Variants in INSM1 observed in about 807,000 individuals in gnomAD.
INSM1 encodes insulinoma-associated protein 1.
A neutral mutation model predicts 21.1 loss-of-function variants in INSM1; 11 were observed. The observed-to-expected ratio is 0.52, with a 90% CI of 0.33 to 0.86. INSM1 has a LOEUF of 0.86. INSM1 is among the 40% of genes least tolerant of loss of function. INSM1 has a pLI of 0.03. For synonymous variants in INSM1, 473 were observed against 386.1 expected (o/e 1.23, Z -2.64); for missense variants, 843 against 760.1 (o/e 1.11, Z -1.28).
Position 20,369,662 on chromosome 20 carries a change from C to T in INSM1, c.1395C>T (p.Ala465=), listed in dbSNP as rs531505955. Residue 465 remains alanine, a synonymous_variant, in exon 1 of 1, where the codon GCC becomes GCT. Transcript: ENST00000310227. This position sits in a 1 kb window ranked among gnomAD's most constrained non-coding sequence, Gnocchi z 5.6. ...AGCGCCACCTGCGCCTGCTGCACGC[C>T]GCCCAGGTGTTCCCCTGCAAGTACT... ...AQERHLRLLH[A]AQVFPCKYCP... The T allele has an allele frequency of 3.0e-5, 48 of 1,600,646 alleles. 1 individual carries two copies. In the South Asian group the frequency reaches 4.5e-4, roughly 15 times the overall value.
In INSM1 at chr20:20,369,646, T is replaced by C; in HGVS notation, c.1379T>C (p.Leu460Pro). 6.2e-7 allele frequency: 1 copy of C among 1,600,680 alleles called. No individual in the cohort carries two copies. The highest frequency in any genetic ancestry group is 2.2e-5 in the East Asian group (1 of 44,808). ...FASKGAQERH[L>P]RLLHAAQVFP... ...AGCAAGGGCGCTCAGGAGCGCCACC[T>C]GCGCCTGCTGCACGCCGCCCAGGTG... The change falls in exon 1 of 1, where the codon CTG becomes CCG. Residue 460 changes from leucine (L) to proline (P), a missense_variant. Transcript: ENST00000310227. This position sits in a 1 kb window ranked among gnomAD's most constrained non-coding sequence, Gnocchi z 5.6.
In INSM1 at chr20:20,368,468, C is replaced by T. The variant is rs2059484523; in HGVS notation, c.201C>T (p.Ala67=). The change falls in exon 1 of 1, where the codon GCC becomes GCT. Residue 67 remains alanine, a synonymous_variant. Transcript: ENST00000310227. This position sits in a 1 kb window ranked among gnomAD's most constrained non-coding sequence, Gnocchi z 4.3. ...CGGAGCGCGCCCATGCAGCGCTCGCCGCCGCGCTTGCCTGCGCGCCTGGGC... is the reference window on the plus strand; with the variant it reads ...CGGAGCGCGCCCATGCAGCGCTCGCTGCCGCGCTTGCCTGCGCGCCTGGGC... The part of the protein sequence containing the change: ...PPAERAHAAL[A]AALACAPGPQ... The T allele has an allele frequency of 9.4e-7, 1 of 1,066,012 alleles. No homozygotes were observed. The highest frequency in any genetic ancestry group is 1.1e-6 in the Non-Finnish European group (1 of 878,018). 66.0% of individuals were successfully genotyped at this position (1,066,012 alleles called of 1,614,324 possible). A position where few individuals can be genotyped will look rare whatever the true frequency, so the allele number is the denominator to read the frequency against.
In INSM1 at chr20:20,368,518, G is replaced by A; in HGVS notation, c.251G>A (p.Arg84Gln). Residue 84 changes from arginine to glutamine, a missense_variant, in exon 1 of 1, where the codon CGG becomes CAG. Transcript: ENST00000310227. The surrounding 1 kb of genome is among the most constrained non-coding windows in gnomAD (Gnocchi z 4.3). ...CCGCAGCCACCCCCGCAGGGCCCGC[G>A]GGCCGCGCACTTCGGCAACCCCGAG... ...PGPQPPPQGP[R>Q]AAHFGNPEAA... 1.6e-6 allele frequency: 2 copies of A among 1,261,718 alleles called. No individual in the cohort carries two copies. Among genetic ancestry groups the A allele is most frequent in the South Asian group, 4.2e-5 (2 of 47,408 alleles). 78.2% of individuals were successfully genotyped at this position (1,261,718 alleles called of 1,614,324 possible).
rs981721571 is a variant in INSM1 at position 20,368,122 on chromosome 20, G to A, written c.-146G>A. ...CCCGGGGACAGGGACGCGCGTGCAG[G>A]GCGCAGAGCTGGGCCGAGCCGTCGC... is the stretch of plus-strand genomic sequence containing the variant. On this transcript the variant is annotated 5_prime_UTR_variant, in exon 1 of 1. Transcript: ENST00000310227. This position sits in a 1 kb window ranked among gnomAD's most constrained non-coding sequence, Gnocchi z 4.3. The A allele has an allele frequency of 1.3e-5, 6 of 467,412 alleles. No homozygotes were observed. The East Asian group carries it at 3.2e-4, about 25-fold the overall frequency. The allele number at this position is 467,412 out of a possible 1,614,324, so 29.0% of individuals were successfully genotyped here. A position where few individuals can be genotyped will look rare whatever the true frequency, so the allele number is the denominator to read the frequency against.
In INSM1 at chr20:20,368,690, C is replaced by A; in HGVS notation, c.423C>A (p.Gly141=). Residue 141 remains glycine (G), a synonymous_variant, in exon 1 of 1, where the codon GGC becomes GGA. Transcript: ENST00000310227. The surrounding 1 kb of genome is among the most constrained non-coding windows in gnomAD (Gnocchi z 4.3). ...CGCCCGCCGCGCTGCTCGGAGGGGG[C>A]GGCGGCGGCGGCGCGAGCGGAGCTG... ...FPTPAALLGG[G]GGGGASGAGG... is the part of the protein sequence containing the mutation. 7.9e-7 allele frequency: 1 copy of A among 1,265,988 alleles called. No homozygotes were observed. The highest frequency in any genetic ancestry group is 3.9e-5 in the Admixed American group (1 of 25,782). 78.4% of individuals were successfully genotyped at this position (1,265,988 alleles called of 1,614,324 possible).
chr20:20,369,146 G>A lies in INSM1; in HGVS notation c.879G>A (p.Val293=). The A allele has an allele frequency of 5.7e-6, 9 of 1,585,054 alleles. No individual in the cohort carries two copies. Among genetic ancestry groups the A allele is most frequent in the Non-Finnish European group, 7.7e-6 (9 of 1,171,728 alleles). ...ACAAATGCTCGCGCATCGTGCGTGTGGAGTACCGCTGTCCCGAGTGCGCCA... is the reference window on the plus strand; with the variant it reads ...ACAAATGCTCGCGCATCGTGCGTGTAGAGTACCGCTGTCCCGAGTGCGCCA... ...AQHKCSRIVR[V]EYRCPECAKV... is the part of the protein sequence containing the mutation. Residue 293 remains valine (V), a synonymous_variant, in exon 1 of 1, where the codon GTG becomes GTA. Coordinates refer to ENST00000310227, the MANE Select transcript of INSM1 (RefSeq NM_002196.3). The surrounding 1 kb of genome is among the most constrained non-coding windows in gnomAD (Gnocchi z 5.6).
In INSM1 at chr20:20,369,144, G is replaced by C; in HGVS notation, c.877G>C (p.Val293Leu). The change falls in exon 1 of 1, where the codon GTG (valine) becomes CTG (leucine). Residue 293 changes from valine to leucine, a missense_variant. By Grantham distance (32) the Val-to-Leu change is conservative. Coordinates refer to ENST00000310227, the MANE Select transcript of INSM1 (RefSeq NM_002196.3). The surrounding 1 kb of genome is among the most constrained non-coding windows in gnomAD (Gnocchi z 5.6). ...AQHKCSRIVR[V>L]EYRCPECAKV... ...GCACAAATGCTCGCGCATCGTGCGT[G>C]TGGAGTACCGCTGTCCCGAGTGCGC... 3 of 1,585,746 alleles carry C rather than the reference G, an allele frequency of 1.9e-6. No individual in the cohort carries two copies. Among genetic ancestry groups the C allele is most frequent in the Non-Finnish European group, 2.6e-6 (3 of 1,172,012 alleles).
chr20:20,369,311 C>G lies in INSM1; in HGVS notation c.1044C>G (p.Asp348Glu). Residue 348 changes from aspartate to glutamate, a missense_variant, in exon 1 of 1, where the codon GAC becomes GAG. By Grantham distance (45) the Asp-to-Glu change is conservative. Coordinates refer to ENST00000310227, the MANE Select transcript of INSM1 (RefSeq NM_002196.3). The surrounding 1 kb of genome is among the most constrained non-coding windows in gnomAD (Gnocchi z 5.6). The part of the protein sequence containing the change: ...EAREAPGGGS[D>E]RDTPSPGGVS... ...GGGAGGCACCCGGCGGCGGCAGCGA[C>G]CGGGACACGCCGAGCCCCGGCGGCG... 2.2e-6 allele frequency: 3 copies of G among 1,384,854 alleles called. No homozygotes were observed. Among genetic ancestry groups the G allele is most frequent in the Non-Finnish European group, 2.8e-6 (3 of 1,081,824 alleles). The allele number at this position is 1,384,854 out of a possible 1,614,324, so 85.8% of individuals were successfully genotyped here. A position where few individuals can be genotyped will look rare whatever the true frequency, so the allele number is the denominator to read the frequency against.
Position 20,369,040 on chromosome 20 carries a change from G to T in INSM1, c.773G>T (p.Gly258Val), listed in dbSNP as rs770799634. The change falls in exon 1 of 1, where the codon GGG (glycine) becomes GTG (valine). Residue 258 changes from glycine (G) to valine (V), a missense_variant. Transcript: ENST00000310227. The surrounding 1 kb of genome is among the most constrained non-coding windows in gnomAD (Gnocchi z 5.6). ...GTGGAGGCGCCGCGGGGCCGCGCGG[G>T]GGGCGCGGCGCGGCCGCTGGGCGAG... The part of the protein sequence containing the change: ...GPVEAPRGRA[G>V]GAARPLGEFI... 2 of 1,545,088 alleles carry T rather than the reference G, an allele frequency of 1.3e-6. No homozygotes were observed. Among genetic ancestry groups the T allele is most frequent in the Non-Finnish European group, 1.7e-6 (2 of 1,152,568 alleles).
At position 20,368,145 on chromosome 20, in the gene INSM1, C is replaced by T. The variant is rs2059482322; in HGVS notation, c.-123C>T. 2.3e-5 allele frequency: 16 copies of T among 708,870 alleles called. No individual in the cohort carries two copies. The South Asian group carries it at 6.5e-4, about 29-fold the overall frequency. 43.9% of individuals were successfully genotyped at this position (708,870 alleles called of 1,614,324 possible). On this transcript the variant is annotated 5_prime_UTR_variant, in exon 1 of 1. Transcript: ENST00000310227. This position sits in a 1 kb window ranked among gnomAD's most constrained non-coding sequence, Gnocchi z 4.3. ...AGGGCGCAGAGCTGGGCCGAGCCGTCGCCGGCGCCACGCGAGTCCCGCAGC... is the reference window on the plus strand; with the variant it reads ...AGGGCGCAGAGCTGGGCCGAGCCGTTGCCGGCGCCACGCGAGTCCCGCAGC...
At position 20,368,934 on chromosome 20, in the gene INSM1, C is replaced by T. The variant is rs1602217272; in HGVS notation, c.667C>T (p.Pro223Ser). 2 of 1,545,158 alleles carry T rather than the reference C, an allele frequency of 1.3e-6. No individual in the cohort carries two copies. Among genetic ancestry groups the T allele is most frequent in the Non-Finnish European group, 8.7e-7 (1 of 1,149,532 alleles). Residue 223 changes from proline (P) to serine (S), a missense_variant, in exon 1 of 1, where the codon CCC (proline) becomes TCC (serine). Coordinates refer to ENST00000310227, the MANE Select transcript of INSM1 (RefSeq NM_002196.3). The surrounding 1 kb of genome is among the most constrained non-coding windows in gnomAD (Gnocchi z 4.3). ...KAVKAPGAKKPKAIRKLHFED... is the reference protein window; with the variant it reads ...KAVKAPGAKKSKAIRKLHFED... ...AGTCAAGGCCCCGGGCGCCAAGAAG[C>T]CCAAGGCCATCCGCAAGCTGCACTT...
rs1181798510 is a variant in INSM1, at chr20:20,368,208, C to A, written c.-60C>A. 3 of 1,053,572 alleles carry A rather than the reference C, an allele frequency of 2.8e-6. No homozygotes were observed. The highest frequency in any genetic ancestry group is 3.4e-6 in the Non-Finnish European group (3 of 873,506). 65.3% of individuals were successfully genotyped at this position (1,053,572 alleles called of 1,614,324 possible). ...GCAATGGGCCGGGGGCACTGAGGGC[C>A]GCCGGGGCCGAGCGCGGAGGGGGGA... On this transcript the variant is annotated 5_prime_UTR_variant, in exon 1 of 1. Transcript: ENST00000310227. The surrounding 1 kb of genome is among the most constrained non-coding windows in gnomAD (Gnocchi z 4.3).
Position 20,368,133 on chromosome 20 carries a change from G to A in INSM1, c.-135G>A. ...GGACGCGCGTGCAGGGCGCAGAGCTGGGCCGAGCCGTCGCCGGCGCCACGC... is the reference window on the plus strand; with the variant it reads ...GGACGCGCGTGCAGGGCGCAGAGCTAGGCCGAGCCGTCGCCGGCGCCACGC... On this transcript the variant is annotated 5_prime_UTR_variant, in exon 1 of 1. Transcript: ENST00000310227. The surrounding 1 kb of genome is among the most constrained non-coding windows in gnomAD (Gnocchi z 4.3). The A allele has an allele frequency of 1.7e-6, 1 of 580,428 alleles. No individual in the cohort carries two copies. The allele number at this position is 580,428 out of a possible 1,614,324, so 36.0% of individuals were successfully genotyped here.
chr20:20,369,327 C>G lies in INSM1; in HGVS notation c.1060C>G (p.Pro354Ala). Residue 354 changes from proline (P) to alanine (A), a missense_variant, in exon 1 of 1, where the codon CCC becomes GCC. Physicochemically the swap from Pro to Ala is conservative, Grantham distance 27. Coordinates refer to ENST00000310227, the MANE Select transcript of INSM1 (RefSeq NM_002196.3). This position sits in a 1 kb window ranked among gnomAD's most constrained non-coding sequence, Gnocchi z 5.6. ...GGGSDRDTPS[P>A]GGVSESGSED... is the part of the protein sequence containing the mutation. ...CGGCAGCGACCGGGACACGCCGAGC[C>G]CCGGCGGCGTGTCCGAGTCGGGCTC... The G allele has an allele frequency of 1.4e-6, 2 of 1,432,364 alleles. No homozygotes were observed. The highest frequency in any genetic ancestry group is 1.5e-5 in the South Asian group (1 of 67,412). The allele number at this position is 1,432,364 out of a possible 1,614,324, so 88.7% of individuals were successfully genotyped here. A position where few individuals can be genotyped will look rare whatever the true frequency, so the allele number is the denominator to read the frequency against.
Position 20,369,839 on chromosome 20 carries a change from C to T in INSM1, c.*39C>T, listed in dbSNP as rs768356201. 3 of 1,542,196 alleles carry T rather than the reference C, an allele frequency of 1.9e-6. No homozygotes were observed. Among genetic ancestry groups the T allele is most frequent in the South Asian group, 1.2e-5 (1 of 80,374 alleles). ...CCCCGGCCCCCGAACTGTGCCTTCGCTTGGAGACCCACAAAGAGAGTGCGC... is the reference window on the plus strand; with the variant it reads ...CCCCGGCCCCCGAACTGTGCCTTCGTTTGGAGACCCACAAAGAGAGTGCGC... On this transcript the variant is annotated 3_prime_UTR_variant, in exon 1 of 1. Transcript: ENST00000310227. This position sits in a 1 kb window ranked among gnomAD's most constrained non-coding sequence, Gnocchi z 5.6.
At position 20,369,571 on chromosome 20, in the gene INSM1, G is replaced by C; in HGVS notation, c.1304G>C (p.Ser435Thr). 1 of 1,596,698 alleles carries C rather than the reference G, an allele frequency of 6.3e-7. No homozygotes were observed. The highest frequency in any genetic ancestry group is 2.2e-5 in the East Asian group (1 of 44,666). Residue 435 changes from serine to threonine, a missense_variant, in exon 1 of 1, where the codon AGT becomes ACT. Ser to Thr is a moderately conservative substitution (Grantham distance 58). Coordinates refer to ENST00000310227, the MANE Select transcript of INSM1 (RefSeq NM_002196.3). This position sits in a 1 kb window ranked among gnomAD's most constrained non-coding sequence, Gnocchi z 5.6. ...DGEGAGVLGL[S>T]ASAECHLCPV... ...GAGGGGGCCGGCGTGCTGGGCCTGA[G>C]TGCGTCCGCCGAGTGCCACCTGTGC...
chr20:20,368,814 C>A lies in INSM1; in HGVS notation c.547C>A (p.Pro183Thr). 1 of 1,107,730 alleles carries A rather than the reference C, an allele frequency of 9.0e-7. No homozygotes were observed. Among genetic ancestry groups the A allele is most frequent in the Non-Finnish European group, 1.1e-6 (1 of 889,792 alleles). 68.6% of individuals were successfully genotyped at this position (1,107,730 alleles called of 1,614,324 possible). ...GGCTGGCGCCGAGGCGGCCCGCGGC[C>A]CGGGCCCCGGCCCCCCACTGCCCCC... ...FSAGAEAARG[P>T]GPGPPLPPAA... The change falls in exon 1 of 1, where the codon CCG (proline) becomes ACG (threonine). Residue 183 changes from proline (P) to threonine (T), a missense_variant. Transcript: ENST00000310227. This position sits in a 1 kb window ranked among gnomAD's most constrained non-coding sequence, Gnocchi z 4.3.
rs150281189 is a variant in INSM1 at position 20,369,169 on chromosome 20, C to T, written c.902C>T (p.Ala301Val). 1.3e-6 allele frequency: 2 copies of T among 1,575,644 alleles called. No individual in the cohort carries two copies. The highest frequency in any genetic ancestry group is 1.4e-5 in the African/African-American group (1 of 71,332). ...VRVEYRCPEC[A>V]KVFSCPANLA... The stretch of plus-strand genomic sequence containing the variant: ...GTGGAGTACCGCTGTCCCGAGTGCG[C>T]CAAGGTCTTCAGCTGCCCGGCCAAC... Residue 301 changes from alanine (A) to valine (V), a missense_variant, in exon 1 of 1, where the codon GCC (alanine) becomes GTC (valine). Coordinates refer to ENST00000310227, the MANE Select transcript of INSM1 (RefSeq NM_002196.3). This position sits in a 1 kb window ranked among gnomAD's most constrained non-coding sequence, Gnocchi z 5.6.
At position 20,369,898 on chromosome 20, in the gene INSM1, GA is replaced by G; in HGVS notation, c.*99del. The G allele has an allele frequency of 9.4e-7, 1 of 1,064,548 alleles. No homozygotes were observed. The allele number at this position is 1,064,548 out of a possible 1,614,324, so 65.9% of individuals were successfully genotyped here. On this transcript the variant is annotated 3_prime_UTR_variant, in exon 1 of 1. Coordinates refer to ENST00000310227, the MANE Select transcript of INSM1 (RefSeq NM_002196.3). This position sits in a 1 kb window ranked among gnomAD's most constrained non-coding sequence, Gnocchi z 5.6. ...CCCCGAACCCGAGTCCGCGCTGGGG[GA>G]GCCTCGCCCCCGCCCCCACCGGGTG...
Sources: allele counts gnomAD v4.1 joint callset, GRCh38; gene constraint gnomAD v4.1.1; non-coding constraint Gnocchi (gnomAD v3.1); transcripts MANE v1.5; gene names NCBI Gene and HGNC (gene_info 2026-07-23, HGNC 2026-07-21).